The following ATF1 variants were observed in gnomAD, a reference collection of about 807,000 sequenced individuals.
The protein encoded by ATF1 is activating transcription factor 1.
In ATF1, 16 loss-of-function variants were observed where a neutral mutation model predicts 34.7. The observed-to-expected ratio is 0.46, with a 90% CI of 0.31 to 0.70. The LOEUF is 0.70. Ranked by LOEUF, ATF1 falls within the 30% of genes least tolerant of loss-of-function variation. The pLI is 0.05. For synonymous variants in ATF1, 105 were observed against 113.1 expected (o/e 0.93, Z 0.46); for missense variants, 255 against 321.6 (o/e 0.79, Z 1.58).
intron 1 of ATF1, among the ~76,000 whole-genome samples, chr12:50,766,869 A>T (rs1007386346): frequency 6.6e-6 from 1 of 152,148 alleles, no homozygotes; most frequent in Non-Finnish European, 1.5e-5. Flanking sequence ...ACTCAGGGCA[A>T]CCATCTTACC....
chr12:50,773,081 C>T (rs1013429302), intron 1 of ATF1, among the ~76,000 whole-genome samples: 1 of 152,150 alleles, frequency 6.6e-6, no homozygotes, highest in Non-Finnish European at 1.5e-5. Context: ...CATCCATGAC[C>T]CTGCAGAGGA....
At chr12:50,802,242 G>C (rs1376285470) in intron 3 of ATF1, among the ~76,000 whole-genome samples, 1 of 152,160 alleles carries the variant, frequency 6.6e-6, no homozygotes, top group Non-Finnish European at 1.5e-5. Context: ...ACATATACTG[G>C]AGGCCAGGCA....
At chr12:50,769,730 T>C (rs1289469304) in intron 1 of ATF1, among the ~76,000 whole-genome samples, 2 of 152,238 alleles carry the variant, frequency 1.3e-5, no homozygotes, top group African/African-American at 4.8e-5. Context: ...TTTCTGGCTT[T>C]AATAGTGGCT....
chr12:50,772,088 A>G (rs1248024552), intron 1 of ATF1, among the ~76,000 whole-genome samples: 3 of 152,066 alleles, frequency 2.0e-5, no homozygotes, highest in Non-Finnish European at 4.4e-5. Flanking sequence ...GACTTGACCC[A>G]TTATTTCTTG....
At chr12:50,782,554 CTTT>C (rs1192258164) in intron 2 of ATF1, among the ~76,000 whole-genome samples, 1 of 124,924 alleles carries the variant, frequency 8.0e-6, no homozygotes, top group Non-Finnish European at 1.7e-5. Context: ...CACACCCGGC[CTTT>C]TTTTTTTTTT....
intron 3 of ATF1, among the ~76,000 whole-genome samples, chr12:50,799,191 T>G (rs1201827339): frequency 2.6e-5 from 4 of 152,104 alleles, no homozygotes; most frequent in African/African-American, 4.8e-5. Context: ...TTAAGACCAA[T>G]CTGTGTAACA....
chr12:50,810,295 G>GC (rs901708764), intron 4 of ATF1, among the ~76,000 whole-genome samples: 9 of 143,644 alleles, frequency 6.3e-5, no homozygotes, highest in African/African-American at 1.0e-4. Context: ...TCGGCTCACT[G>GC]CAACTTCCAC....
At chr12:50,809,392 A>G in intron 3 of ATF1, 64 bp from the exon 4 acceptor site, 1 of 1,300,834 alleles carries the variant, frequency 7.7e-7, no homozygotes, top group Non-Finnish European at 1.1e-6. Flanking sequence ...AAAAAAAAAA[A>G]AAATTATTTT....
chr12:50,776,129 A>T (rs370362899), intron 1 of ATF1, among the ~76,000 whole-genome samples: 1 of 151,814 alleles, frequency 6.6e-6, no homozygotes, highest in East Asian at 1.9e-4. Context: ...TGGCTAACAC[A>T]GTGAAACCCC....
rs1941924684 is a variant in ATF1 at position 50,820,282 on chromosome 12, T to C, written c.*503T>C. ...AAGTATATGTTCTGATTATGTATAC[T>C]TGTTCTAGTGTCAAGTCTTTTTAAG... On this transcript the variant is annotated 3_prime_UTR_variant, in exon 7 of 7. Transcript: ENST00000262053. 1 of 191,402 alleles carries C rather than the reference T, an allele frequency of 5.2e-6. No individual in the cohort carries two copies. Among genetic ancestry groups the C allele is most frequent in the Non-Finnish European group, 1.1e-5 (1 of 91,448 alleles). The allele number at this position is 191,402 out of a possible 1,614,324, so 11.9% of individuals were successfully genotyped here.
chr12:50,772,374 T>C (rs1940795449), intron 1 of ATF1, among the ~76,000 whole-genome samples: 1 of 150,374 alleles, frequency 6.7e-6, no homozygotes, highest in Non-Finnish European at 1.5e-5. Flanking sequence ...TTGCCCAGGC[T>C]GGAGTGCAAT....
intron 6 of ATF1, among the ~76,000 whole-genome samples, chr12:50,818,430 AAAAG>A (rs1489010472): frequency 6.6e-6 from 1 of 152,222 alleles, no homozygotes; most frequent in African/African-American, 2.4e-5. Flanking sequence ...AGAAAAAAGA[AAAAG>A]AATGTTTACT....
At chr12:50,775,153 G>T (rs1276999067) in intron 1 of ATF1, among the ~76,000 whole-genome samples, 15 of 151,442 alleles carry the variant, frequency 9.9e-5, no homozygotes, top group African/African-American at 3.4e-4. Context: ...TGTTCCCCAG[G>T]CTGGTCTCGA....
intron 2 of ATF1, among the ~76,000 whole-genome samples, chr12:50,784,259 G>T (rs777122239): frequency 6.6e-5 from 10 of 152,276 alleles, no homozygotes; most frequent in Non-Finnish European, 1.5e-4. Flanking sequence ...CAGCTTTCAT[G>T]TATCTTATAT....
At position 50,780,991 on chromosome 12, in the gene ATF1, AAAAC is replaced by A. The variant is rs370935148; in HGVS notation, c.93+756_93+759del. ...ATAAATAAATAAAAAATAAAATAGA[AAAAC>A]AAGCAAAAAAGACTGTATAAAATGT... On this transcript the variant is annotated intron_variant, in intron 2 of 6. Transcript: ENST00000262053. Among the ~76,000 whole-genome samples, 35 of 152,196 alleles carry A rather than the reference AAAAC, an allele frequency of 2.3e-4. No individual in the cohort carries two copies. The East Asian group carries it at 2.7e-3, about 12-fold the overall frequency.
At chr12:50,767,431 A>G (rs1940664381) in intron 1 of ATF1, among the ~76,000 whole-genome samples, 1 of 152,212 alleles carries the variant, frequency 6.6e-6, no homozygotes, top group South Asian at 2.1e-4. Context: ...GAGGCAGGAT[A>G]ATCACTTGAA....
chr12:50,767,367 A>G (rs2139632130), intron 1 of ATF1, among the ~76,000 whole-genome samples: 1 of 152,268 alleles, frequency 6.6e-6, no homozygotes, highest in Admixed American at 6.5e-5. Flanking sequence ...AAAAATACAA[A>G]AAATTAGCTG....
At chr12:50,772,139 C>T (rs999691223) in intron 1 of ATF1, among the ~76,000 whole-genome samples, 4 of 152,036 alleles carry the variant, frequency 2.6e-5, no homozygotes, top group Non-Finnish European at 5.9e-5. Context: ...TGGATTGGGA[C>T]CCTGTCCTGT....
chr12:50,805,019 TC>T (rs1046229333), intron 3 of ATF1, among the ~76,000 whole-genome samples: 5 of 151,770 alleles, frequency 3.3e-5, no homozygotes, highest in Non-Finnish European at 4.4e-5. Context: ...CACTATATTG[TC>T]CAGGCTGGTT....
Sources: gnomAD v4.1 joint callset for allele counts (sites outside exome capture counted in the v4.1 genomes callset) on GRCh38, gnomAD v4.1.1 for gene constraint, MANE v1.5 for transcripts, NCBI Gene and HGNC (gene_info 2026-07-23, HGNC 2026-07-21) for gene names.